Variants in FAM199X observed in about 807,000 individuals in gnomAD.
The protein encoded by FAM199X is family with sequence similarity 199, X-linked.
In FAM199X, 4 loss-of-function variants were observed where a neutral mutation model predicts 22.9. The observed-to-expected ratio is 0.17, with a 90% confidence interval of 0.09 to 0.40. FAM199X has a LOEUF of 0.40. FAM199X is among the 10% of genes least tolerant of loss of function. The pLI is 1.00. For synonymous variants in FAM199X, 101 were observed against 112.3 expected, an observed-to-expected ratio of 0.90 and a Z score of 0.64; for missense variants, 183 against 306.8, an observed-to-expected ratio of 0.60 and a Z score of 3.01.
rs1489827983 is a variant in FAM199X, at chrX:104,194,172, C to T, written c.*4394C>T. ...TGGCAAATTAAATTTTAATTTGACA[C>T]TCATACCGAACTCAGAAAAGCTTGT... is the stretch of plus-strand genomic sequence containing the variant. On this transcript the variant is annotated 3_prime_UTR_variant, in exon 6 of 6. Transcript: ENST00000493442. The T allele has an allele frequency of 9.0e-6, 1 of 111,548 alleles. No homozygotes were observed. Among genetic ancestry groups the T allele is most frequent in the East Asian group, 2.8e-4 (1 of 3,601 alleles). The allele number at this position is 111,548 out of a possible 1,213,427, so 9.2% of individuals were successfully genotyped here.
intron 1 of FAM199X, among the ~76,000 whole-genome samples, chrX:104,173,863 G>T (rs1394459251): frequency 8.9e-6 from 1 of 112,133 alleles, no homozygotes; most frequent in Non-Finnish European, 1.9e-5. Context: ...AATACATAAA[G>T]AACTCTTACA....
the FAM199X span, among the ~76,000 whole-genome samples, chrX:104,159,865 G>A: frequency 3.6e-5 from 4 of 112,184 alleles, no homozygotes; most frequent in African/African-American, 1.3e-4. Flanking sequence ...AACTGATGAT[G>A]AGAGTACAAG....
intron 4 of FAM199X, among the ~76,000 whole-genome samples, chrX:104,186,980 C>G (rs1006174863): frequency 8.9e-6 from 1 of 111,932 alleles, no homozygotes; most frequent in Non-Finnish European, 1.9e-5. Flanking sequence ...CTTTGATAAA[C>G]AGCTGAGGGA....
chrX:104,180,242 A>ATG (rs1404821056), intron 2 of FAM199X, among the ~76,000 whole-genome samples: 1 of 105,178 alleles, frequency 9.5e-6, no homozygotes, highest in Non-Finnish European at 1.9e-5. Context: ...TGGCCTCCCA[A>ATG]TGTGGTGGGA....
Position 104,169,226 on chromosome X carries a change from A to G in FAM199X, c.197+2244A>G, listed in dbSNP as rs1168165188. Among the ~76,000 whole-genome samples the G allele has an allele frequency of 2.7e-5, 3 of 111,746 alleles. No homozygotes were observed. The East Asian group carries it at 8.4e-4, about 31-fold the overall frequency. ...TGTATGTGTCACTTTTTTCCTTCAC[A>G]TCACATCATTTGTCAATTCAGGCAA... On this transcript the variant is annotated intron_variant, in intron 1 of 5. Coordinates refer to ENST00000493442, the MANE Select transcript of FAM199X (RefSeq NM_207318.4).
chrX:104,170,581 T>C (rs1344652729), intron 1 of FAM199X, among the ~76,000 whole-genome samples: 1 of 111,857 alleles, frequency 8.9e-6, no homozygotes, highest in Non-Finnish European at 1.9e-5. Context: ...GGTTTCTTTT[T>C]TTCTTTTTTT....
intron 4 of FAM199X, 120 bp from the exon 5 acceptor site, chrX:104,187,920 A>G: frequency 1.2e-6 from 1 of 827,116 alleles, no homozygotes; most frequent in Non-Finnish European, 1.7e-6. Flanking sequence ...TACCTTACGT[A>G]TGCATCTGCA....
At chrX:104,158,964 T>C in the FAM199X span, among the ~76,000 whole-genome samples, 1 of 111,806 alleles carries the variant, frequency 8.9e-6, no homozygotes, top group Non-Finnish European at 1.9e-5. Context: ...TTTTATTTTT[T>C]CCCCCAACAC....
chrX:104,157,146 C>A, the FAM199X span: 1 of 108,944 alleles, frequency 9.2e-6, no homozygotes, highest in African/African-American at 3.4e-5. Context: ...GACCGAAAAA[C>A]ACAGGTAAAA....
chrX:104,175,476 A>G (rs1921464949), intron 1 of FAM199X, 147 bp from the exon 2 acceptor site: 9 of 470,065 alleles, frequency 1.9e-5, no homozygotes, highest in East Asian at 1.9e-4. Context: ...ATATTTTAGT[A>G]TATTTCCTTA....
intron 5 of FAM199X, among the ~76,000 whole-genome samples, chrX:104,188,551 A>C (rs1921858841): frequency 9.0e-6 from 1 of 111,666 alleles, no homozygotes; most frequent in Non-Finnish European, 1.9e-5. Context: ...GTTTTAAGTA[A>C]GATAAATTGG....
At chrX:104,179,725 AGGGG>A (rs1921594017) in intron 2 of FAM199X, among the ~76,000 whole-genome samples, 1 of 110,824 alleles carries the variant, frequency 9.0e-6, no homozygotes, top group Non-Finnish European at 1.9e-5. Flanking sequence ...TCCTAATCTT[AGGGG>A]AGAGGTTCAG....
rs1272546603 is a variant in FAM199X, at chrX:104,191,365, A to G, written c.*1587A>G. 3 of 112,199 alleles carry G rather than the reference A, an allele frequency of 2.7e-5. No individual in the cohort carries two copies. Among genetic ancestry groups the G allele is most frequent in the African/African-American group, 6.5e-5 (2 of 30,954 alleles). 9.2% of individuals were successfully genotyped at this position (112,199 alleles called of 1,213,427 possible). On this transcript the variant is annotated 3_prime_UTR_variant, in exon 6 of 6. Coordinates refer to ENST00000493442, the MANE Select transcript of FAM199X (RefSeq NM_207318.4). ...CTGCAGCTTTGCCAAGGTCTGTGAT[A>G]TGGTTGTAACCTTTTAAAGACTACT... is the stretch of plus-strand genomic sequence containing the variant.
At chrX:104,178,055 T>C (rs1195202368) in intron 2 of FAM199X, among the ~76,000 whole-genome samples, 1 of 112,405 alleles carries the variant, frequency 8.9e-6, no homozygotes, top group Non-Finnish European at 1.9e-5. Context: ...CCCAGACTTT[T>C]AGAGTTTTAG....
chrX:104,173,059 C>A (rs962839582), intron 1 of FAM199X, among the ~76,000 whole-genome samples: 1 of 111,350 alleles, frequency 9.0e-6, no homozygotes, highest in Non-Finnish European at 1.9e-5. Context: ...ACCACAGACT[C>A]CTGGGCTCCA....
chrX:104,172,820 A>T (rs1556375651), intron 1 of FAM199X, among the ~76,000 whole-genome samples: 1 of 111,638 alleles, frequency 9.0e-6, no homozygotes, highest in Non-Finnish European at 1.9e-5. Flanking sequence ...CCTAGCACCG[A>T]ACATAGTACT....
chrX:104,180,288 CTT>C (rs573175887), intron 2 of FAM199X, among the ~76,000 whole-genome samples: 1 of 71,245 alleles, frequency 1.4e-5, no homozygotes, highest in East Asian at 4.4e-4. Context: ...GCCAGTGTCT[CTT>C]TTTTTTTTTT....
At chrX:104,176,092 A>G (rs1921483654) in intron 2 of FAM199X, among the ~76,000 whole-genome samples, 1 of 111,504 alleles carries the variant, frequency 9.0e-6, no homozygotes, top group Non-Finnish European at 1.9e-5. Context: ...TATTACCATT[A>G]TTATATATTA....
upstream of FAM199X, among the ~76,000 whole-genome samples, chrX:104,161,607 C>T (rs1256056807): frequency 1.8e-5 from 2 of 111,199 alleles, 1 homozygote; most frequent in Admixed American, 1.9e-4. Flanking sequence ...ATTTGGGAGG[C>T]CGAGGTGGGC....
Sources: gnomAD v4.1 joint callset for allele counts (sites outside exome capture counted in the v4.1 genomes callset) on GRCh38, gnomAD v4.1.1 for gene constraint, MANE v1.5 for transcripts, NCBI Gene and HGNC (gene_info 2026-07-23, HGNC 2026-07-21) for gene names.